The following RNF19A variants were observed in gnomAD, a reference collection of about 807,000 sequenced individuals.
The protein encoded by RNF19A is E3 ubiquitin-protein ligase RNF19A.
In RNF19A, 32 loss-of-function variants were observed where a neutral mutation model predicts 75.7. The observed-to-expected ratio is 0.42, with a 90% CI of 0.32 to 0.57. The LOEUF is 0.57. Among genes scored for constraint, RNF19A ranks in the 20% least tolerant of loss-of-function variants. RNF19A has a pLI of 0.10. For synonymous variants in RNF19A, 335 were observed against 345.2 expected (o/e 0.97, Z 0.33); for missense variants, 782 against 1,036.3 (o/e 0.75, Z 3.37).
In RNF19A at chr8:100,329,219, A is replaced by G. The variant is rs1479438578; in HGVS notation, c.-243+6889T>C. Reference sequence around the variant, plus strand: ...AGTGGCTGACTTGAAACCACAGGTCAAAGCTCATCTCACACATGCACATAT... The same window carrying G: ...AGTGGCTGACTTGAAACCACAGGTCGAAGCTCATCTCACACATGCACATAT... On this transcript the variant is annotated intron_variant, in intron 1 of 3. Transcript: ENST00000519527. The surrounding 1 kb of genome is among the most constrained non-coding windows in gnomAD (Gnocchi z 4.3). 6.6e-6 allele frequency among the ~76,000 whole-genome samples: 1 copy of G among 152,214 alleles called. No individual in the cohort carries two copies. The highest frequency in any genetic ancestry group is 1.5e-5 in the Non-Finnish European group (1 of 68,034).
upstream of RNF19A, chr8:100,312,530 AG>A (rs1270602908): frequency 7.9e-5 from 12 of 152,402 alleles, no homozygotes; most frequent in African/African-American, 2.9e-4. Flanking sequence ...AGGTCAAGGC[AG>A]CAGTGAGCCC....
At chr8:100,307,322 C>T (rs1279711131) in intron 1 of RNF19A, among the ~76,000 whole-genome samples, 3 of 152,128 alleles carry the variant, frequency 2.0e-5, no homozygotes, top group Non-Finnish European at 4.4e-5. Context: ...GCTTACTCTG[C>T]GCCCAGCACT....
At chr8:100,295,505 C>T (rs564361165) in intron 1 of RNF19A, among the ~76,000 whole-genome samples, 39 of 152,062 alleles carry the variant, frequency 2.6e-4, no homozygotes, top group South Asian at 4.1e-4. Flanking sequence ...ATCCTCAACC[C>T]TAGACTCACT....
intron 1 of RNF19A, among the ~76,000 whole-genome samples, chr8:100,319,318 T>A (rs1387853079): frequency 6.6e-6 from 1 of 152,030 alleles, no homozygotes; most frequent in Non-Finnish European, 1.5e-5. Context: ...TTTTCTTTTT[T>A]AACACAAAAG....
chr8:100,329,992 G>T lies in RNF19A; in HGVS notation c.-243+6116C>A, dbSNP rs1054293952. Among the ~76,000 whole-genome samples the T allele has an allele frequency of 3.9e-5, 6 of 152,174 alleles. No homozygotes were observed. Among genetic ancestry groups the T allele is most frequent in the African/African-American group, 1.2e-4 (5 of 41,420 alleles). Reference sequence around the variant, plus strand: ...GTAGAGCTTAGATGGTCATGTAAGGGATCCTAATTTGTTTTTTTGTGGGGG... The same window carrying T: ...GTAGAGCTTAGATGGTCATGTAAGGTATCCTAATTTGTTTTTTTGTGGGGG... On this transcript the variant is annotated intron_variant, in intron 1 of 3. Coordinates refer to the RNF19A transcript ENST00000519527. The surrounding 1 kb of genome is among the most constrained non-coding windows in gnomAD (Gnocchi z 4.3).
Position 100,264,085 on chromosome 8 carries a change from C to T in RNF19A, c.1417G>A (p.Glu473Lys). 6.2e-7 allele frequency: 1 copy of T among 1,613,744 alleles called. No individual in the cohort carries two copies. The highest frequency in any genetic ancestry group is 8.5e-7 in the Non-Finnish European group (1 of 1,179,742). The change falls in exon 7 of 10, where the codon GAA (glutamate) becomes AAA (lysine). Residue 473 changes from glutamate to lysine, a missense_variant. Around this residue, in one of 7 missense-constraint regions of RNF19A, gnomAD observed 442 missense variants for 541.6 expected, o/e 0.82. Coordinates refer to ENST00000341084, the MANE Select transcript of RNF19A (RefSeq NM_183419.4). The surrounding 1 kb of genome is among the most constrained non-coding windows in gnomAD (Gnocchi z 4.7). ...SAGNGKGVRI[E>K]FDDENDINVG... The stretch of plus-strand genomic sequence containing the variant: ...TTTATATCATTTTCATCATCAAATT[C>T]AATCCTAACTCCTTTTCCATTGCCT...
chr8:100,286,047 C>T (rs1260799969), intron 2 of RNF19A, among the ~76,000 whole-genome samples: 1 of 152,166 alleles, frequency 6.6e-6, no homozygotes, highest in Non-Finnish European at 1.5e-5. Context: ...ATAACTTGCA[C>T]ATGTGCACCA....
rs770236736 is a variant in RNF19A, at chr8:100,287,846, G to A, written c.329C>T (p.Ser110Phe). 1 of 1,614,054 alleles carries A rather than the reference G, an allele frequency of 6.2e-7. No individual in the cohort carries two copies. Among genetic ancestry groups the A allele is most frequent in the Non-Finnish European group, 8.5e-7 (1 of 1,180,012 alleles). ...EMCTDKNSIF[S>F]TNTSSDNGLT... ...TCCATTGTCAGAAGAGGTATTTGTA[G>A]AGAAAATGGAGTTCTTATCAGTACA... Residue 110 changes from serine to phenylalanine, a missense_variant, in exon 2 of 10, where the codon TCT becomes TTT. This residue lies in a region of RNF19A where 148 missense variants were observed against 147.9 expected (regional missense o/e 1.00). Coordinates refer to ENST00000341084, the MANE Select transcript of RNF19A (RefSeq NM_183419.4). This position sits in a 1 kb window ranked among gnomAD's most constrained non-coding sequence, Gnocchi z 4.1.
rs1586591492 is a variant in RNF19A, at chr8:100,261,634, G to A, written c.1590C>T (p.Asp530=). 1 of 1,614,090 alleles carries A rather than the reference G, an allele frequency of 6.2e-7. No homozygotes were observed. Among genetic ancestry groups the A allele is most frequent in the African/African-American group, 1.3e-5 (1 of 75,026 alleles). ...SHMDRIGAIR[D]NLSETASTMA... ...TGGTGCTGGCCGTTTCACTCAGGTTGTCTCGGATGGCTCCTATTCGATCCA... is the reference window on the plus strand; with the variant it reads ...TGGTGCTGGCCGTTTCACTCAGGTTATCTCGGATGGCTCCTATTCGATCCA... The change falls in exon 8 of 10, where the codon GAC becomes GAT. Residue 530 remains aspartate (D), a synonymous_variant. Transcript: ENST00000341084. The surrounding 1 kb of genome is among the most constrained non-coding windows in gnomAD (Gnocchi z 4.4).
chr8:100,302,513 T>C (rs1821879811), intron 1 of RNF19A, among the ~76,000 whole-genome samples: 1 of 152,230 alleles, frequency 6.6e-6, no homozygotes. Context: ...GGTGGAGATG[T>C]ATATCCAAAC....
At chr8:100,299,080 GCTTA>G (rs1328058213) in intron 1 of RNF19A, among the ~76,000 whole-genome samples, 2 of 152,154 alleles carry the variant, frequency 1.3e-5, no homozygotes, top group African/African-American at 4.8e-5. Flanking sequence ...GACACATTTT[GCTTA>G]CTGTGTCCCT....
chr8:100,321,325 T>C (rs1303424655), intron 1 of RNF19A, among the ~76,000 whole-genome samples: 1 of 152,262 alleles, frequency 6.6e-6, no homozygotes, highest in African/African-American at 2.4e-5. Context: ...TTCCAGCATC[T>C]TCTCCAAGAG....
chr8:100,298,893 GA>G (rs1331122024), intron 1 of RNF19A, among the ~76,000 whole-genome samples: 1 of 152,110 alleles, frequency 6.6e-6, no homozygotes, highest in Non-Finnish European at 1.5e-5. Context: ...ACACCATTAG[GA>G]AAACCACAGG....
At position 100,258,350 on chromosome 8, in the gene RNF19A, T is replaced by C; in HGVS notation, c.*206A>G. 1 of 496,226 alleles carries C rather than the reference T, an allele frequency of 2.0e-6. No homozygotes were observed. Among genetic ancestry groups the C allele is most frequent in the Admixed American group, 3.7e-5 (1 of 26,672 alleles). 30.7% of individuals were successfully genotyped at this position (496,226 alleles called of 1,614,324 possible). Reference sequence around the variant, plus strand: ...CTCTTCAAATTTATTATCCTTAAAATAATGCACTTTTAAAGCCTTCACTTC... The same window carrying C: ...CTCTTCAAATTTATTATCCTTAAAACAATGCACTTTTAAAGCCTTCACTTC... On this transcript the variant is annotated 3_prime_UTR_variant, in exon 10 of 10. Transcript: ENST00000341084. This position sits in a 1 kb window ranked among gnomAD's most constrained non-coding sequence, Gnocchi z 4.3.
At chr8:100,313,166 G>C, upstream of RNF19A, 1 of 167,048 alleles carries the variant, frequency 6.0e-6, no homozygotes, top group Non-Finnish European at 1.2e-5. Context: ...ATTGGGGATG[G>C]GGTGTTTGCC....
At chr8:100,309,248 T>G in intron 1 of RNF19A, 1 of 884,920 alleles carries the variant, frequency 1.1e-6, no homozygotes, top group Non-Finnish European at 1.4e-6. Context: ...CATTTTGGTG[T>G]GATGTGTAAT....
rs1277498079 is a variant in RNF19A, at chr8:100,261,539, C to T, written c.1682+3G>A. 4 of 1,613,278 alleles carry T rather than the reference C, an allele frequency of 2.5e-6. No homozygotes were observed. In the Admixed American group the frequency reaches 6.7e-5, roughly 27 times the overall value. ...CAGAACCAAACCAAACCAAAACACA[C>T]ACCTGTTAAAACAGTTTACCATGGC... is the stretch of plus-strand genomic sequence containing the variant. On this transcript the variant is annotated splice_donor_region_variant and intron_variant, in intron 8 of 9. Coordinates refer to ENST00000341084, the MANE Select transcript of RNF19A (RefSeq NM_183419.4). The surrounding 1 kb of genome is among the most constrained non-coding windows in gnomAD (Gnocchi z 4.4).
At chr8:100,327,495 C>T (rs970668734) in intron 1 of RNF19A, among the ~76,000 whole-genome samples, 1 of 152,128 alleles carries the variant, frequency 6.6e-6, no homozygotes, top group African/African-American at 2.4e-5. Flanking sequence ...AAGTGATGTT[C>T]CCGCCTCGGC....
Position 100,333,257 on chromosome 8 carries a change from TG to T in RNF19A, c.-243+2850del, listed in dbSNP as rs1218232933. 6.6e-6 allele frequency among the ~76,000 whole-genome samples: 1 copy of T among 152,228 alleles called. No individual in the cohort carries two copies. ...CTCATCAGATGTGCCCACTCAACCT[TG>T]GACTTCCCAGATCCAGAACAATGAG... On this transcript the variant is annotated intron_variant, in intron 1 of 3. Transcript: ENST00000519527. The surrounding 1 kb of genome is among the most constrained non-coding windows in gnomAD (Gnocchi z 4.7).
Sources: allele counts gnomAD v4.1 joint callset (sites outside exome capture counted in the v4.1 genomes callset), GRCh38; gene constraint gnomAD v4.1.1; regional missense constraint gnomAD v4.1.1; non-coding constraint Gnocchi (gnomAD v3.1); transcripts MANE v1.5; gene names NCBI Gene and HGNC (gene_info 2026-07-23, HGNC 2026-07-21).